The following TASP1 variants were observed in gnomAD, a reference collection of about 807,000 sequenced individuals.
TASP1 encodes the protein taspase 1.
A neutral mutation model predicts 56.6 loss-of-function variants in TASP1; 16 were observed. That is an observed-to-expected ratio of 0.28 (90% CI 0.19 to 0.43). The LOEUF is 0.43. TASP1 is among the 20% of genes least tolerant of loss of function. The pLI is 1.00. For synonymous variants in TASP1, 179 were observed against 184.2 expected (o/e 0.97, Z 0.23); for missense variants, 393 against 511.6 (o/e 0.77, Z 2.24).
chr20:13,561,923 G>T (rs1234025946), intron 7 of TASP1, among the ~76,000 whole-genome samples: 1 of 151,818 alleles, frequency 6.6e-6, no homozygotes, highest in South Asian at 2.1e-4. Flanking sequence ...AATGAAAAGA[G>T]AACACAATAA....
At chr20:13,448,969 A>G (rs2146280906) in intron 11 of TASP1, among the ~76,000 whole-genome samples, 4 of 152,238 alleles carry the variant, frequency 2.6e-5, no homozygotes, top group Middle Eastern at 6.8e-3. Context: ...GGATTGGTAT[A>G]TTTTTAGGTC....
chr20:13,374,858 T>C, the TASP1 span, among the ~76,000 whole-genome samples: 1 of 152,238 alleles, frequency 6.6e-6, no homozygotes, highest in African/African-American at 2.4e-5. Context: ...GCCTTGGGCA[T>C]GCACCTGCTC....
the TASP1 span, among the ~76,000 whole-genome samples, chr20:13,153,006 T>C: frequency 6.6e-6 from 1 of 152,214 alleles, no homozygotes; most frequent in Non-Finnish European, 1.5e-5. Flanking sequence ...CCACTCAGAA[T>C]GGAGGTCTGC....
intron 13 of TASP1, among the ~76,000 whole-genome samples, chr20:13,410,929 C>T (rs1384462094): frequency 6.6e-6 from 1 of 152,044 alleles, no homozygotes; most frequent in East Asian, 1.9e-4. Context: ...AGTATTTTCC[C>T]TATGTTTTCT....
chr20:13,330,857 T>C, the TASP1 span, among the ~76,000 whole-genome samples: 1 of 152,194 alleles, frequency 6.6e-6, no homozygotes, highest in Non-Finnish European at 1.5e-5. Context: ...CTGTATCTTT[T>C]ATTCCTGACA....
the TASP1 span, chr20:13,154,135 T>C: frequency 6.2e-7 from 1 of 1,613,936 alleles, no homozygotes; most frequent in Non-Finnish European, 8.5e-7. Flanking sequence ...CCTGGTAAAG[T>C]AGCGTAAGTA....
chr20:13,617,099 A>C lies in TASP1; in HGVS notation c.282+6347T>G, dbSNP rs1163007848. 6.6e-6 allele frequency: 3 copies of C among 455,774 alleles called. No individual in the cohort carries two copies. In the Admixed American group the frequency reaches 7.1e-5, roughly 11 times the overall value. 28.2% of individuals were successfully genotyped at this position (455,774 alleles called of 1,614,324 possible). A position where few individuals can be genotyped will look rare whatever the true frequency, so the allele number is the denominator to read the frequency against. ...TGGATACTTGGCTGGATGCAACTCC[A>C]TGAAGTGTAACTGTGTGTGTACACC... On this transcript the variant is annotated intron_variant, in intron 4 of 13. Transcript: ENST00000337743.
At chr20:13,140,782 AAAGAT>A in the TASP1 span, among the ~76,000 whole-genome samples, 2 of 152,240 alleles carry the variant, frequency 1.3e-5, no homozygotes, top group African/African-American at 4.8e-5. Flanking sequence ...TCTGCAGAGA[AAAGAT>A]AAAGGAAAAA....
At chr20:13,260,099 C>G in the TASP1 span, among the ~76,000 whole-genome samples, 130 of 152,330 alleles carry the variant, frequency 8.5e-4, 1 homozygote, top group African/African-American at 3.0e-3. Flanking sequence ...CACACCATTT[C>G]CCTAGAGAAT....
At chr20:13,323,090 C>G in the TASP1 span, among the ~76,000 whole-genome samples, 1 of 151,704 alleles carries the variant, frequency 6.6e-6, no homozygotes, top group Non-Finnish European at 1.5e-5. Flanking sequence ...CACAGCGTCT[C>G]GGAGGAAAAA....
the TASP1 span, among the ~76,000 whole-genome samples, chr20:13,367,870 C>T: frequency 2.0e-5 from 3 of 152,118 alleles, no homozygotes; most frequent in South Asian, 2.1e-4. Context: ...AAATGAAAAA[C>T]TTAAAAACAA....
the TASP1 span, among the ~76,000 whole-genome samples, chr20:13,301,897 A>G: frequency 1.3e-5 from 2 of 152,232 alleles, no homozygotes; most frequent in Non-Finnish European, 2.9e-5. Flanking sequence ...CTATGAAGAA[A>G]TAGAGGCAGA....
At chr20:13,595,564 G>A (rs1404057395) in intron 4 of TASP1, among the ~76,000 whole-genome samples, 2 of 152,106 alleles carry the variant, frequency 1.3e-5, no homozygotes, top group African/African-American at 2.4e-5. Context: ...AAAAAAAGCA[G>A]GGGTTGCAAT....
intron 10 of TASP1, among the ~76,000 whole-genome samples, chr20:13,515,168 A>G (rs1438589161): frequency 1.3e-5 from 2 of 152,148 alleles, no homozygotes; most frequent in Non-Finnish European, 2.9e-5. Flanking sequence ...ATAAGAGTCT[A>G]AAAACATAAG....
At chr20:13,311,256 G>GATA in the TASP1 span, among the ~76,000 whole-genome samples, 1 of 126,174 alleles carries the variant, frequency 7.9e-6, no homozygotes, top group African/African-American at 3.4e-5. Flanking sequence ...TAGATAGATA[G>GATA]ATAGATAGAT....
downstream of TASP1, among the ~76,000 whole-genome samples, chr20:13,384,403 T>C (rs1457944516): frequency 1.3e-5 from 2 of 152,162 alleles, no homozygotes; most frequent in Non-Finnish European, 1.5e-5. Context: ...TGGCTGATGG[T>C]CTTCTGGAAG....
At chr20:13,562,020 C>A (rs1489546836) in intron 7 of TASP1, among the ~76,000 whole-genome samples, 1 of 152,122 alleles carries the variant, frequency 6.6e-6, no homozygotes, top group Non-Finnish European at 1.5e-5. Flanking sequence ...GACATTTTTC[C>A]AAAATGTCCC....
At chr20:13,445,197 C>T (rs1371743822) in intron 11 of TASP1, among the ~76,000 whole-genome samples, 3 of 152,138 alleles carry the variant, frequency 2.0e-5, no homozygotes. Flanking sequence ...GACTCTGCCA[C>T]AAAGATTAGC....
At chr20:13,164,897 CTT>C in the TASP1 span, 25 of 1,574,354 alleles carry the variant, frequency 1.6e-5, no homozygotes, top group Non-Finnish European at 2.2e-5. Context: ...CACATAAAGA[CTT>C]TGCGAGAAAG....
Sources: gnomAD v4.1 joint callset for allele counts (sites outside exome capture counted in the v4.1 genomes callset) on GRCh38, gnomAD v4.1.1 for gene constraint, MANE v1.5 for transcripts, NCBI Gene and HGNC (gene_info 2026-07-23, HGNC 2026-07-21) for gene names.